The following ZNF804B variants were observed in gnomAD, a reference collection of about 807,000 sequenced individuals.
ZNF804B encodes zinc finger 804B.
A neutral mutation model predicts 101.4 loss-of-function variants in ZNF804B; 80 were observed. The ratio of observed to expected loss-of-function variants is 0.79; its 90% CI spans 0.66 to 0.95. The LOEUF is 0.95. Among genes scored for constraint, ZNF804B ranks in the 40% least tolerant of loss-of-function variants. The pLI is 0.00. For synonymous variants in ZNF804B, 622 were observed against 558.8 expected, an observed-to-expected ratio of 1.11 and a Z score of -1.59; for missense variants, 1,673 against 1,561.9, an observed-to-expected ratio of 1.07 and a Z score of -1.20.
intron 1 of ZNF804B, among the ~76,000 whole-genome samples, chr7:89,155,546 A>G (rs899955046): frequency 7.2e-5 from 11 of 152,074 alleles, no homozygotes; most frequent in African/African-American, 2.7e-4. Flanking sequence ...CTAAAACACA[A>G]AACTAATAAT....
At chr7:89,120,706 A>G (rs1480138083) in intron 1 of ZNF804B, among the ~76,000 whole-genome samples, 2 of 151,680 alleles carry the variant, frequency 1.3e-5, no homozygotes, top group Non-Finnish European at 2.9e-5. Context: ...TTTAGTCGTC[A>G]GCACCTTATG....
chr7:89,270,567 A>G (rs542282742), intron 2 of ZNF804B, among the ~76,000 whole-genome samples: 168 of 152,268 alleles, frequency 1.1e-3, no homozygotes, highest in African/African-American at 3.6e-3. Flanking sequence ...TTGGTTCCCT[A>G]TGAACTTTAA....
chr7:89,193,661 C>T (rs62463580), intron 1 of ZNF804B, among the ~76,000 whole-genome samples: 18,531 of 152,000 alleles, frequency 0.12, 1,216 homozygotes, highest in Middle Eastern at 0.25. Context: ...TTTATGGCTG[C>T]ATAGTATTCC....
At chr7:88,775,326 C>T (rs1203607396) in intron 1 of ZNF804B, among the ~76,000 whole-genome samples, 1 of 152,084 alleles carries the variant, frequency 6.6e-6, no homozygotes, top group Non-Finnish European at 1.5e-5. Context: ...GAGGTTGGCT[C>T]AGAGGCCGAG....
chr7:88,931,996 C>T (rs912101595), intron 1 of ZNF804B, among the ~76,000 whole-genome samples: 1 of 144,606 alleles, frequency 6.9e-6, no homozygotes, highest in Non-Finnish European at 1.5e-5. Context: ...TTGGCAGAGG[C>T]CTCTGTAAAA....
At chr7:88,988,035 A>T (rs1433607886) in intron 1 of ZNF804B, among the ~76,000 whole-genome samples, 1 of 151,614 alleles carries the variant, frequency 6.6e-6, no homozygotes, top group Non-Finnish European at 1.5e-5. Flanking sequence ...CCATAAAATA[A>T]TTTTCTTTAG....
At chr7:89,277,142 A>G (rs1471404136) in intron 2 of ZNF804B, among the ~76,000 whole-genome samples, 2 of 148,510 alleles carry the variant, frequency 1.3e-5, no homozygotes, top group Non-Finnish European at 1.5e-5. Context: ...TAAAATATAT[A>G]AACACATAAA....
intron 1 of ZNF804B, among the ~76,000 whole-genome samples, chr7:89,041,699 G>A (rs1472730216): frequency 6.6e-6 from 1 of 152,140 alleles, no homozygotes; most frequent in Non-Finnish European, 1.5e-5. Context: ...CTTTCCTCGA[G>A]CAGGACACAA....
At chr7:89,168,827 G>C (rs978340227) in intron 1 of ZNF804B, among the ~76,000 whole-genome samples, 1 of 151,284 alleles carries the variant, frequency 6.6e-6, no homozygotes, top group Non-Finnish European at 1.5e-5. Context: ...GAACTTAATT[G>C]ATACTTGTGA....
chr7:89,218,184 G>C lies in ZNF804B; in HGVS notation c.138G>C (p.Lys46Asn). ...TTGCAGAAAAGAAGTCCACAGCAAA[G>C]GCCCTGGAAGATGTAAAGGCAAACT... is the stretch of plus-strand genomic sequence containing the variant. ...PDFAEKKSTA[K>N]ALEDVKANFY... is the part of the protein sequence containing the mutation. Residue 46 changes from lysine to asparagine, a missense_variant, in exon 2 of 4, where the codon AAG becomes AAC. Coordinates refer to ENST00000333190, the MANE Select transcript of ZNF804B (RefSeq NM_181646.5). The C allele has an allele frequency of 6.2e-7, 1 of 1,613,496 alleles. No homozygotes were observed. The highest frequency in any genetic ancestry group is 8.5e-7 in the Non-Finnish European group (1 of 1,179,704).
At position 89,336,273 on chromosome 7, in the gene ZNF804B, T is replaced by C. The variant is rs1462717376; in HGVS notation, c.3291T>C (p.Asn1097=). 2 of 1,613,756 alleles carry C rather than the reference T, an allele frequency of 1.2e-6. 1 individual carries two copies. Among genetic ancestry groups the C allele is most frequent in the South Asian group, 2.2e-5 (2 of 91,074 alleles). The change falls in exon 4 of 4, where the codon AAT becomes AAC. Residue 1097 remains asparagine, a synonymous_variant. Transcript: ENST00000333190. ...CAGAGACCCAAGAAGACCAAATAAA[T>C]CTAGACTTACAGGATGTAAGCATGC... ...DSTETQEDQI[N]LDLQDVSMHI...
At chr7:89,015,906 C>G (rs1231361057) in intron 1 of ZNF804B, among the ~76,000 whole-genome samples, 2 of 151,120 alleles carry the variant, frequency 1.3e-5, no homozygotes, top group Admixed American at 6.6e-5. Flanking sequence ...CCTGAGGAAT[C>G]GCCACACTGA....
intron 1 of ZNF804B, among the ~76,000 whole-genome samples, chr7:89,106,171 G>GC (rs540705591): frequency 1.3e-5 from 2 of 152,286 alleles, no homozygotes; most frequent in East Asian, 3.9e-4. Flanking sequence ...ATGGAGCCCA[G>GC]CATCTATGGG....
chr7:88,760,029 G>C lies in ZNF804B; in HGVS notation c.53G>C (p.Arg18Pro), dbSNP rs1200401773. 2 of 1,614,184 alleles carry C rather than the reference G, an allele frequency of 1.2e-6. No homozygotes were observed. The highest frequency in any genetic ancestry group is 1.7e-6 in the Non-Finnish European group (2 of 1,180,038). ...AGACATCTCAGCAATGGGCACTACC[G>C]GGGCATTAAAGGAGTCTTCAGGGGA... ...SSRHLSNGHY[R>P]GIKGVFRGPL... Residue 18 changes from arginine to proline, a missense_variant, in exon 1 of 4, where the codon CGG becomes CCG. Physicochemically the swap from Arg to Pro is moderately radical, Grantham distance 103. Transcript: ENST00000333190.
intron 2 of ZNF804B, 107 bp from the exon 3 acceptor site, chr7:89,327,237 A>G: frequency 1.9e-6 from 2 of 1,078,980 alleles, no homozygotes; most frequent in East Asian, 3.0e-5. Context: ...CTTTCTGCCC[A>G]GAAAGTCACC....
intron 1 of ZNF804B, among the ~76,000 whole-genome samples, chr7:89,176,044 C>A (rs1459139390): frequency 2.0e-5 from 3 of 151,922 alleles, no homozygotes; most frequent in African/African-American, 7.2e-5. Flanking sequence ...TGGAGGCTCT[C>A]AATTTCTTTC....
chr7:89,106,244 CA>C (rs1199489497), intron 1 of ZNF804B, among the ~76,000 whole-genome samples: 21 of 152,256 alleles, frequency 1.4e-4, no homozygotes, highest in African/African-American at 4.3e-4. Flanking sequence ...TGTGATATAT[CA>C]CTTACTGTTA....
At chr7:89,312,860 TAAAG>T (rs1046842730) in intron 2 of ZNF804B, among the ~76,000 whole-genome samples, 4 of 150,684 alleles carry the variant, frequency 2.7e-5, no homozygotes, top group African/African-American at 7.3e-5. Context: ...AGGCAGAAAA[TAAAG>T]AAAGTCCCAT....
chr7:89,220,139 G>A lies in ZNF804B; in HGVS notation c.249+1844G>A, dbSNP rs79633996. Among the ~76,000 whole-genome samples the A allele has an allele frequency of 1.7e-4, 11 of 64,160 alleles. 2 individuals carry two copies. Among genetic ancestry groups the A allele is most frequent in the South Asian group, 8.3e-4 (2 of 2,404 alleles). 42.1% of individuals were successfully genotyped at this position (64,160 alleles called of 152,430 possible). A position where few individuals can be genotyped will look rare whatever the true frequency, so the allele number is the denominator to read the frequency against. On this transcript the variant is annotated intron_variant, in intron 2 of 3. Transcript: ENST00000333190. ...TACATATATATACGCACACATATAT[G>A]TGTGTATATACATATATATATACGC...
Sources: gnomAD v4.1 joint callset for allele counts (sites outside exome capture counted in the v4.1 genomes callset) on GRCh38, gnomAD v4.1.1 for gene constraint, MANE v1.5 for transcripts, NCBI Gene and HGNC (gene_info 2026-07-23, HGNC 2026-07-21) for gene names.